Variants in TEX14 observed in about 807,000 individuals in gnomAD.
The protein encoded by TEX14 is testis expressed 14, intercellular bridge forming factor, also known as inactive serine/threonine-protein kinase TEX14.
TEX14 carries 168 observed loss-of-function variants against 178.6 expected under a neutral mutation model. That is an observed-to-expected ratio of 0.94 (90% confidence interval 0.83 to 1.07). TEX14 has a LOEUF of 1.07. Among genes scored for constraint, TEX14 ranks in the 50% least tolerant of loss-of-function variants. The pLI, the probability that TEX14 is intolerant of heterozygous loss-of-function variation, is 0.00. For missense variants in TEX14, 1,730 were observed against 1,753.6 expected (o/e 0.99, Z 0.24); for synonymous variants, 626 against 634.1 (o/e 0.99, Z 0.19).
Position 58,611,346 on chromosome 17 carries a change from G to C in TEX14, c.1006-7C>G, listed in dbSNP as rs762672614. 8.1e-6 allele frequency: 13 copies of C among 1,605,232 alleles called. No homozygotes were observed. The highest frequency in any genetic ancestry group is 2.2e-5 in the East Asian group (1 of 44,848). On this transcript the variant is annotated splice_region_variant and splice_polypyrimidine_tract_variant and intron_variant, in intron 9 of 31. Coordinates refer to ENST00000349033, the MANE Select transcript of TEX14 (RefSeq NM_031272.5). Reference sequence around the variant, plus strand: ...GCACTGGGAACTGGGACCGCTGCAAGCAAGAGATGAAATGCCACGAAAAAA... The same window carrying C: ...GCACTGGGAACTGGGACCGCTGCAACCAAGAGATGAAATGCCACGAAAAAA...
chr17:58,603,498 T>A (rs1281248770), intron 11 of TEX14, among the ~76,000 whole-genome samples: 1 of 143,068 alleles, frequency 7.0e-6, no homozygotes, highest in Non-Finnish European at 1.5e-5. Flanking sequence ...GAGGTTGCAG[T>A]GAGCTGAGAT....
chr17:58,566,250 A>G (rs2044395377), intron 26 of TEX14, among the ~76,000 whole-genome samples: 1 of 152,198 alleles, frequency 6.6e-6, no homozygotes. Context: ...TAATCTTCAC[A>G]ACAACCCTCT....
At chr17:58,586,107 T>TA in intron 17 of TEX14, 25 bp from the exon 18 acceptor site, 1 of 1,595,254 alleles carries the variant, frequency 6.3e-7, no homozygotes, top group Non-Finnish European at 8.6e-7. Flanking sequence ...AAGCAGCATT[T>TA]AAAACATCAC....
At chr17:58,585,751 A>G (rs760138737) in intron 18 of TEX14, 50 bp downstream of exon 18, 2 of 1,587,844 alleles carry the variant, frequency 1.3e-6, no homozygotes, top group Non-Finnish European at 8.6e-7. Flanking sequence ...ACCTCGCCCG[A>G]CTGATACTTG....
At position 58,604,989 on chromosome 17, in the gene TEX14, T is replaced by G; in HGVS notation, c.1325A>C (p.Glu442Ala). The G allele has an allele frequency of 6.2e-7, 1 of 1,614,172 alleles. No individual in the cohort carries two copies. Among genetic ancestry groups the G allele is most frequent in the East Asian group, 2.2e-5 (1 of 44,882 alleles). The part of the protein sequence containing the change: ...DIYSFSMIMQ[E>A]ILTDDIPWKG... ...TGATCTTGATCTACCTGTTAAAATC[T>G]CCTGCATGATCATAGAAAAGCTGTA... Residue 442 changes from glutamate (E) to alanine (A), a missense_variant, in exon 11 of 32, where the codon GAG becomes GCG. By Grantham distance (107) the Glu-to-Ala change is moderately radical (BLOSUM62 -1). Coordinates refer to ENST00000349033, the MANE Select transcript of TEX14 (RefSeq NM_031272.5).
intron 2 of TEX14, among the ~76,000 whole-genome samples, chr17:58,635,819 G>A (rs10438767): frequency 6.6e-6 from 1 of 151,664 alleles, no homozygotes; most frequent in Non-Finnish European, 1.5e-5. Context: ...ACAACCTCCA[G>A]CCTCACCATA....
intron 3 of TEX14, among the ~76,000 whole-genome samples, chr17:58,627,269 A>T (rs2046166930): frequency 6.6e-6 from 1 of 152,208 alleles, no homozygotes; most frequent in Non-Finnish European, 1.5e-5. Flanking sequence ...TCTTTAAAGA[A>T]ATCAGCTTTA....
At chr17:58,590,259 C>CAA (rs35100175) in intron 15 of TEX14, among the ~76,000 whole-genome samples, 21,310 of 93,560 alleles carry the variant, frequency 0.23, 2,196 homozygotes, top group East Asian at 0.33. Context: ...GACTCTGTGT[C>CAA]AAAAAAAAAA....
chr17:58,617,710 T>A, intron 5 of TEX14, 91 bp from the exon 6 acceptor site: 1 of 859,080 alleles, frequency 1.2e-6, no homozygotes, highest in Non-Finnish European at 1.8e-6. Context: ...AAGGTGTAGT[T>A]GACTTTGTCT....
At chr17:58,672,651 G>A (rs746508418) in intron 1 of TEX14, among the ~76,000 whole-genome samples, 5 of 152,084 alleles carry the variant, frequency 3.3e-5, no homozygotes, top group Admixed American at 6.6e-5. Context: ...CACCATGTTG[G>A]CCAGGCTGGC....
chr17:58,656,110 G>A (rs1598422933), intron 1 of TEX14, among the ~76,000 whole-genome samples: 2 of 152,300 alleles, frequency 1.3e-5, no homozygotes, highest in Middle Eastern at 6.8e-3. Flanking sequence ...AGACCAGCCT[G>A]GGCAACACGG....
Position 58,633,810 on chromosome 17 carries a change from G to C in TEX14, c.137-3256C>G, listed in dbSNP as rs183207414. On this transcript the variant is annotated intron_variant, in intron 2 of 31. Coordinates refer to ENST00000349033, the MANE Select transcript of TEX14 (RefSeq NM_031272.5). The stretch of plus-strand genomic sequence containing the variant: ...GGTGAAACCTCGTCTCTACTAAAAA[G>C]TACAAAAATTAGCTGGGCATGGTGG... 4.4e-3 allele frequency among the ~76,000 whole-genome samples: 670 copies of C among 151,458 alleles called. 3 individuals carry two copies. The highest frequency in any genetic ancestry group is 0.015 in the African/African-American group (637 of 41,258).
At chr17:58,609,258 T>TG (rs1281627402) in intron 10 of TEX14, among the ~76,000 whole-genome samples, 3 of 152,152 alleles carry the variant, frequency 2.0e-5, no homozygotes, top group Non-Finnish European at 4.4e-5. Context: ...TACAGGCGCC[T>TG]GCCACCACGC....
chr17:58,676,360 G>C (rs1242528790), intron 1 of TEX14, among the ~76,000 whole-genome samples: 1 of 151,396 alleles, frequency 6.6e-6, no homozygotes, highest in Non-Finnish European at 1.5e-5. Context: ...TGGGCAACAA[G>C]AGAGAAAATC....
intron 2 of TEX14, chr17:58,648,157 C>T (rs1277738276): frequency 1.3e-5 from 2 of 152,256 alleles, no homozygotes; most frequent in Non-Finnish European, 2.9e-5. Flanking sequence ...AGGCAATGGC[C>T]TTCATACTCA....
chr17:58,674,301 T>C (rs1364752761), intron 1 of TEX14, among the ~76,000 whole-genome samples: 1 of 149,950 alleles, frequency 6.7e-6, no homozygotes, highest in African/African-American at 2.5e-5. Context: ...AACCCTTGAT[T>C]TGACAGAATT....
intron 1 of TEX14, among the ~76,000 whole-genome samples, chr17:58,680,116 G>C (rs539520494): frequency 4.0e-5 from 6 of 151,764 alleles, no homozygotes; most frequent in African/African-American, 1.5e-4. Context: ...GTCTTGCTTT[G>C]TTGCCCAGGC....
chr17:58,643,949 C>A (rs930355899), intron 2 of TEX14, among the ~76,000 whole-genome samples: 2 of 151,274 alleles, frequency 1.3e-5, no homozygotes, highest in Admixed American at 6.6e-5. Flanking sequence ...CTCCCCCGCC[C>A]CCCCCAAATA....
At chr17:58,607,012 CAAAAAAA>C (rs35155837) in intron 10 of TEX14, among the ~76,000 whole-genome samples, 1 of 92,624 alleles carries the variant, frequency 1.1e-5, no homozygotes, top group Non-Finnish European at 2.1e-5. Flanking sequence ...GCTACTGTCT[CAAAAAAA>C]AAAAAAAAAA....
Sources: allele counts gnomAD v4.1 joint callset (sites outside exome capture counted in the v4.1 genomes callset), GRCh38; gene constraint gnomAD v4.1.1; transcripts MANE v1.5; gene names NCBI Gene and HGNC (gene_info 2026-07-23, HGNC 2026-07-21).